The following CROCC variants were observed in gnomAD, a reference collection of about 807,000 sequenced individuals.
The protein encoded by CROCC is ciliary rootlet coiled-coil, rootletin.
In CROCC, 180 loss-of-function variants were observed where a neutral mutation model predicts 245.2. That is an observed-to-expected ratio of 0.73 (90% CI 0.65 to 0.83). The LOEUF is 0.83. CROCC is among the 40% of genes least tolerant of loss of function. CROCC has a pLI of 0.00. For missense variants in CROCC, 2,688 were observed against 2,779.4 expected, an observed-to-expected ratio of 0.97 and a Z score of 0.74; for synonymous variants, 1,205 against 1,241.6, an observed-to-expected ratio of 0.97 and a Z score of 0.62.
At chr1:16,969,746 T>C in intron 32 of CROCC, 39 bp from the exon 33 acceptor site, 2 of 1,590,864 alleles carry the variant, frequency 1.3e-6, no homozygotes, top group Non-Finnish European at 8.5e-7. Flanking sequence ...TCCTTAGGGC[T>C]CCCAGGCCAG....
At position 16,960,781 on chromosome 1, in the gene CROCC, G is replaced by T. The variant is rs1250940312; in HGVS notation, c.4056G>T (p.Leu1352=). ...AGCTCCAGGTAGCCCAGCGGAAGCT[G>T]CAGGAACAAGAAGGCGAGTTCCGGA... The part of the protein sequence containing the change: ...RQELQVAQRK[L]QEQEGEFRTR... The change falls in exon 27 of 37, where the codon CTG becomes CTT. Residue 1352 remains leucine (L), a synonymous_variant. Transcript: ENST00000375541. 1.3e-6 allele frequency: 2 copies of T among 1,541,930 alleles called. No individual in the cohort carries two copies. Among genetic ancestry groups the T allele is most frequent in the South Asian group, 1.2e-5 (1 of 84,580 alleles).
intron 15 of CROCC, 83 bp from the exon 16 acceptor site, chr1:16,946,176 A>G: frequency 6.9e-7 from 1 of 1,458,632 alleles, no homozygotes; most frequent in Non-Finnish European, 9.3e-7. Context: ...CTGAGGGTCC[A>G]TCTCTCTGGG....
rs1327948145 is a variant in CROCC at position 16,914,918 on chromosome 1, C to CA, written n.126-15367dup. On this transcript the variant is annotated intron_variant and non_coding_transcript_variant, in intron 1 of 8. Coordinates refer to the CROCC transcript ENST00000466256. ...CCATCTGTCTGTTTACGCCAGAAAA[C>CA]AGAGATTTCTGTTTTCTTTCGCTGG... 1.6e-4 allele frequency among the ~76,000 whole-genome samples: 25 copies of CA among 152,386 alleles called. No individual in the cohort carries two copies. In the South Asian group the frequency reaches 5.2e-3, roughly 32 times the overall value.
Position 16,938,975 on chromosome 1 carries a change from A to T in CROCC, c.1441A>T (p.Asn481Tyr), listed in dbSNP as rs751071733. The T allele has an allele frequency of 1.8e-4, 290 of 1,604,886 alleles. No individual in the cohort carries two copies. Among genetic ancestry groups the T allele is most frequent in the Non-Finnish European group, 2.3e-4 (276 of 1,177,238 alleles). ...CTCTGAGCGCACCGCGGATGCTTCCAACGGCAGCCTGCGGGGGCTCTCGGG... is the reference window on the plus strand; with the variant it reads ...CTCTGAGCGCACCGCGGATGCTTCCTACGGCAGCCTGCGGGGGCTCTCGGG... ...SGSERTADAS[N>Y]GSLRGLSGQR... Residue 481 changes from asparagine (N) to tyrosine (Y), a missense_variant, in exon 12 of 37, where the codon AAC (asparagine) becomes TAC (tyrosine). Physicochemically the swap from Asn to Tyr is moderately radical, Grantham distance 143. This residue lies in a region of CROCC where 972 missense variants were observed against 895.3 expected (regional missense o/e 1.09). Transcript: ENST00000375541.
At chr1:16,961,931 CCTT>C (rs1235949938) in intron 27 of CROCC, among the ~76,000 whole-genome samples, 1 of 152,142 alleles carries the variant, frequency 6.6e-6, no homozygotes, top group East Asian at 1.9e-4. Context: ...GCCTTTGACT[CCTT>C]ATCTGATTTT....
Position 16,965,834 on chromosome 1 carries a change from C to A in CROCC, c.4517C>A (p.Ala1506Glu). ...GCCTCTCCAGACCTGGACCCGGAGG[C>A]AGTGCGCGGGGCCCTCCGGGAATTC... ...SPASPDLDPE[A>E]VRGALREFLQ... The change falls in exon 28 of 37, where the codon GCA becomes GAA. Residue 1506 changes from alanine to glutamate, a missense_variant. By Grantham distance (107) the Ala-to-Glu change is moderately radical. This residue lies in a region of CROCC where 1,218 missense variants were observed against 1,286.3 expected (regional missense o/e 0.95). Coordinates refer to ENST00000375541, the MANE Select transcript of CROCC (RefSeq NM_014675.5). The A allele has an allele frequency of 1.2e-6, 2 of 1,613,738 alleles. No homozygotes were observed. Among genetic ancestry groups the A allele is most frequent in the Admixed American group, 3.3e-5 (2 of 60,032 alleles).
chr1:16,970,321 G>C lies in CROCC; in HGVS notation c.5520G>C (p.Arg1840=). 1 of 1,585,834 alleles carries C rather than the reference G, an allele frequency of 6.3e-7. No homozygotes were observed. Residue 1840 remains arginine (R), a synonymous_variant, in exon 34 of 37, where the codon CGG becomes CGC. Transcript: ENST00000375541. ...LNTVQKLQDE[R]RLLQERLGSL... is the part of the protein sequence containing the mutation. ...CCGTCCAGAAGCTGCAAGACGAGCG[G>C]CGGCTGCTGCAGGAGCGCCTGGGAA...
At chr1:16,953,029 G>C in intron 20 of CROCC, 1 of 433,640 alleles carries the variant, frequency 2.3e-6, no homozygotes, top group East Asian at 4.0e-5. Flanking sequence ...TCTTGGCCTG[G>C]GGTGGTCTTT....
chr1:16,966,249 C>T lies in CROCC; in HGVS notation c.4696+130C>T. 1 of 1,451,232 alleles carries T rather than the reference C, an allele frequency of 6.9e-7. No homozygotes were observed. 89.9% of individuals were successfully genotyped at this position (1,451,232 alleles called of 1,614,324 possible). The stretch of plus-strand genomic sequence containing the variant: ...ACTCGGGGCTGTCTCCAAGAGGACC[C>T]TCCTTGGACAGCCTCACCTGTGTGC... On this transcript the variant is annotated intron_variant, in intron 29 of 36. Coordinates refer to ENST00000375541, the MANE Select transcript of CROCC (RefSeq NM_014675.5). The surrounding 1 kb of genome is among the most constrained non-coding windows in gnomAD (Gnocchi z 4.8).
At chr1:16,925,053 C>G (rs1177709364) in intron 3 of CROCC, among the ~76,000 whole-genome samples, 1 of 152,282 alleles carries the variant, frequency 6.6e-6, no homozygotes, top group Non-Finnish European at 1.5e-5. Flanking sequence ...GTGGGGGTCC[C>G]AGGGTGTGGG....
intron 2 of CROCC, among the ~76,000 whole-genome samples, chr1:16,923,179 C>T (rs530531219): frequency 3.9e-5 from 6 of 152,374 alleles, no homozygotes; most frequent in South Asian, 2.1e-4. Context: ...TGGATGGCGC[C>T]GTCCATCCGT....
intron 17 of CROCC, among the ~76,000 whole-genome samples, chr1:16,947,198 C>T (rs1409149486): frequency 6.6e-6 from 1 of 152,282 alleles, no homozygotes; most frequent in Non-Finnish European, 1.5e-5. Context: ...TGGGGCCAGC[C>T]AGGCGCAGTG....
chr1:16,960,725 C>G (rs759953759), intron 26 of CROCC, 33 bp from the exon 27 acceptor site: 4 of 1,470,128 alleles, frequency 2.7e-6, no homozygotes, highest in Non-Finnish European at 3.6e-6. Flanking sequence ...TGGGAGAGGT[C>G]TTGCCGACCT....
chr1:16,930,703 C>CACT, intron 7 of CROCC, 109 bp downstream of exon 7: 90 of 1,322,990 alleles, frequency 6.8e-5, no homozygotes, highest in Non-Finnish European at 8.0e-5. Context: ...TCCAAGGGAG[C>CACT]CTGTTAGCAG....
intron 3 of CROCC, among the ~76,000 whole-genome samples, chr1:16,926,884 C>A (rs1000179201): frequency 6.6e-6 from 1 of 152,282 alleles, no homozygotes; most frequent in African/African-American, 2.4e-5. Context: ...AGCCTCCTTC[C>A]CTTTTGAATT....
chr1:16,927,581 C>T (rs1414970321), intron 3 of CROCC, among the ~76,000 whole-genome samples: 1 of 152,274 alleles, frequency 6.6e-6, no homozygotes, highest in Non-Finnish European at 1.5e-5. Flanking sequence ...CGGGAAGGCT[C>T]AGATGCACCA....
At chr1:16,961,166 T>G (rs1404616769) in intron 27 of CROCC, 36 bp downstream of exon 27, 4 of 1,262,690 alleles carry the variant, frequency 3.2e-6, no homozygotes, top group Admixed American at 4.5e-5. Flanking sequence ...AGGGGGGAGG[T>G]GGGCGGGCCG....
At chr1:16,955,869 G>A in intron 24 of CROCC, 128 bp from the exon 25 acceptor site, 1 of 1,206,222 alleles carries the variant, frequency 8.3e-7, no homozygotes, top group Non-Finnish European at 1.2e-6. Context: ...TCAGGGCTTA[G>A]CTCTTCAGAG....
rs74058350 is a variant in CROCC at position 16,972,947 on chromosome 1, A to G, written c.*501A>G. 0.058 allele frequency: 8,912 copies of G among 152,390 alleles called. 885 individuals carry two copies. The highest frequency in any genetic ancestry group is 0.2 in the African/African-American group (8,394 of 41,534). The allele number at this position is 152,390 out of a possible 1,614,324, so 9.4% of individuals were successfully genotyped here. A position where few individuals can be genotyped will look rare whatever the true frequency, so the allele number is the denominator to read the frequency against. On this transcript the variant is annotated 3_prime_UTR_variant, in exon 37 of 37. Coordinates refer to ENST00000375541, the MANE Select transcript of CROCC (RefSeq NM_014675.5). ...TGTTCAGAACTGTTTTTTGTAACAA[A>G]ACCTTGTTTTTAAAAAAGTTTGTAC...
Sources: gnomAD v4.1 joint callset for allele counts (sites outside exome capture counted in the v4.1 genomes callset) on GRCh38, gnomAD v4.1.1 for gene constraint, gnomAD v4.1.1 regional missense constraint, Gnocchi (gnomAD v3.1) non-coding constraint, MANE v1.5 for transcripts, NCBI Gene and HGNC (gene_info 2026-07-23, HGNC 2026-07-21) for gene names.